Variants in SH3BP1 observed in about 807,000 individuals in gnomAD.
SH3BP1 encodes SH3 domain binding protein 1, also known as SH3 domain-binding protein 1.
A neutral mutation model predicts 69.8 loss-of-function variants in SH3BP1; 46 were observed. That is an observed-to-expected ratio of 0.66 (90% CI 0.52 to 0.84). The LOEUF is 0.84. Ranked by LOEUF, SH3BP1 falls within the 40% of genes least tolerant of loss-of-function variation. SH3BP1 has a pLI of 0.00. For synonymous variants in SH3BP1, 403 were observed against 378.0 expected (o/e 1.07, Z -0.77); for missense variants, 868 against 930.9 (o/e 0.93, Z 0.88).
chr22:37,655,928 C>G lies in SH3BP1; in HGVS notation c.*244C>G. ...CCGGACTCTCCACTCTCCGGCAGGT[C>G]CTAGGGGAGCCACCGGAAGGAAGGA... is the stretch of plus-strand genomic sequence containing the variant. On this transcript the variant is annotated 3_prime_UTR_variant, in exon 18 of 18. Coordinates refer to ENST00000649765, the MANE Select transcript of SH3BP1 (RefSeq NM_018957.6). The G allele has an allele frequency of 6.4e-7, 1 of 1,569,082 alleles. No individual in the cohort carries two copies. The highest frequency in any genetic ancestry group is 8.6e-7 in the Non-Finnish European group (1 of 1,162,802).
At chr22:37,652,953 T>C (rs1932912668) in intron 16 of SH3BP1, among the ~76,000 whole-genome samples, 1 of 149,348 alleles carries the variant, frequency 6.7e-6, no homozygotes, top group African/African-American at 2.5e-5. Flanking sequence ...CTGGCCAACA[T>C]GGTGAAACCC....
intron 3 of SH3BP1, chr22:37,642,222 C>T: frequency 2.5e-6 from 1 of 394,878 alleles, no homozygotes; most frequent in Non-Finnish European, 4.8e-6. Flanking sequence ...CATTCTCCCT[C>T]CACCTGTGTG....
chr22:37,644,878 G>T lies in SH3BP1; in HGVS notation c.696G>T (p.Glu232Asp). Residue 232 changes from glutamate to aspartate, a missense_variant, in exon 9 of 18, where the codon GAG becomes GAT. Glu to Asp is a conservative substitution (Grantham distance 45). Around this residue, in one of 3 missense-constraint regions of SH3BP1, gnomAD observed 387 missense variants for 447.9 expected, o/e 0.86. Coordinates refer to ENST00000649765, the MANE Select transcript of SH3BP1 (RefSeq NM_018957.6). ...TCCCTTCATCCCCACAGCTCCTGGA[G>T]ATTCAGGCCGATTACCATCGCAGGT... ...SYANYFIRLL[E>D]IQADYHRRSL... 2 of 1,614,020 alleles carry T rather than the reference G, an allele frequency of 1.2e-6. No individual in the cohort carries two copies. Among genetic ancestry groups the T allele is most frequent in the South Asian group, 2.2e-5 (2 of 91,084 alleles).
At chr22:37,655,006 T>C (rs893988464) in intron 17 of SH3BP1, among the ~76,000 whole-genome samples, 1 of 148,484 alleles carries the variant, frequency 6.7e-6, no homozygotes, top group Non-Finnish European at 1.5e-5. Context: ...GAACAAAAAG[T>C]CCTGCGAAGA....
chr22:37,645,648 C>A, intron 10 of SH3BP1, 138 bp downstream of exon 10: 1 of 963,816 alleles, frequency 1.0e-6, no homozygotes, highest in South Asian at 1.7e-5. Context: ...TGACTGCCTC[C>A]TGCGGCATCC....
chr22:37,650,032 G>A, intron 14 of SH3BP1, 120 bp from the exon 15 acceptor site: 1 of 1,112,594 alleles, frequency 9.0e-7, no homozygotes, highest in Non-Finnish European at 1.4e-6. Flanking sequence ...TGGTTTGTGG[G>A]CTTTTTGAGA....
At chr22:37,648,128 G>A (rs1276678802) in intron 13 of SH3BP1, among the ~76,000 whole-genome samples, 191 bp from the exon 14 acceptor site, 1 of 152,224 alleles carries the variant, frequency 6.6e-6, no homozygotes. Flanking sequence ...ACCCTGTAGG[G>A]TGGCTGCTGA....
At position 37,645,141 on chromosome 22, in the gene SH3BP1, G is replaced by A. The variant is rs536012717; in HGVS notation, c.778+181G>A. ...TGTGGAGGGTGGAGTGAAGCGGGCA[G>A]GACTAGAGCCAGGCCTGTGAGGCAG... On this transcript the variant is annotated intron_variant, in intron 9 of 17. Coordinates refer to ENST00000649765, the MANE Select transcript of SH3BP1 (RefSeq NM_018957.6). The A allele has an allele frequency of 6.1e-6, 5 of 824,856 alleles. No homozygotes were observed. The Admixed American group carries it at 7.4e-5, about 12-fold the overall frequency. 51.1% of individuals were successfully genotyped at this position (824,856 alleles called of 1,614,324 possible). A position where few individuals can be genotyped will look rare whatever the true frequency, so the allele number is the denominator to read the frequency against.
Position 37,643,171 on chromosome 22 carries a change from G to T in SH3BP1, c.470G>T (p.Ser157Ile). 6.3e-7 allele frequency: 1 copy of T among 1,596,468 alleles called. No individual in the cohort carries two copies. The highest frequency in any genetic ancestry group is 2.3e-5 in the East Asian group (1 of 43,608). ...KLVSDWNTLK[S>I]RLSQATKNSG... is the part of the protein sequence containing the mutation. The stretch of plus-strand genomic sequence containing the variant: ...GTGTCCGACTGGAACACACTCAAGA[G>T]CAGGTGGGAGCCCCAGCCGCTCAGG... The change falls in exon 6 of 18, where the codon AGC (serine) becomes ATC (isoleucine). Residue 157 changes from serine to isoleucine, a missense_variant. This residue lies in a region of SH3BP1 where 387 missense variants were observed against 447.9 expected (regional missense o/e 0.86). Coordinates refer to ENST00000649765, the MANE Select transcript of SH3BP1 (RefSeq NM_018957.6).
intron 10 of SH3BP1, 142 bp downstream of exon 10, chr22:37,645,652 G>A (rs1267545427): frequency 3.6e-5 from 34 of 934,474 alleles, no homozygotes; most frequent in Middle Eastern, 3.4e-4. Flanking sequence ...TGCCTCCTGC[G>A]GCATCCACAC....
Position 37,655,322 on chromosome 22 carries a change from G to T in SH3BP1, c.1744G>T (p.Gly582Cys). 1 of 1,277,760 alleles carries T rather than the reference G, an allele frequency of 7.8e-7. No individual in the cohort carries two copies. The highest frequency in any genetic ancestry group is 2.0e-5 in the South Asian group (1 of 48,900). The allele number at this position is 1,277,760 out of a possible 1,614,324, so 79.2% of individuals were successfully genotyped here. A position where few individuals can be genotyped will look rare whatever the true frequency, so the allele number is the denominator to read the frequency against. The change falls in exon 18 of 18, where the codon GGC becomes TGC. Residue 582 changes from glycine to cysteine, a missense_variant. Coordinates refer to ENST00000649765, the MANE Select transcript of SH3BP1 (RefSeq NM_018957.6). Reference protein sequence around the residue: ...RPTMPPPQVSGSRSSPPAPPL... With the variant: ...RPTMPPPQVSCSRSSPPAPPL... ...CACCATGCCGCCCCCCCAGGTCTCCGGCTCCCGCTCCTCCCCTCCAGCCCC... is the reference window on the plus strand; with the variant it reads ...CACCATGCCGCCCCCCCAGGTCTCCTGCTCCCGCTCCTCCCCTCCAGCCCC...
In SH3BP1 at chr22:37,655,554, A is replaced by G; in HGVS notation, c.1976A>G (p.Asn659Ser). The G allele has an allele frequency of 6.3e-7, 1 of 1,587,834 alleles. No homozygotes were observed. Residue 659 changes from asparagine to serine, a missense_variant, in exon 18 of 18, where the codon AAC (asparagine) becomes AGC (serine). Physicochemically the swap from Asn to Ser is conservative, Grantham distance 46. Coordinates refer to ENST00000649765, the MANE Select transcript of SH3BP1 (RefSeq NM_018957.6). ...PASPSPVSLS[N>S]PAQVDLGAAT... Reference sequence around the variant, plus strand: ...TCCCCCAGCCCAGTCTCTTTGAGTAACCCTGCACAGGTGGACCTGGGGGCT... The same window carrying G: ...TCCCCCAGCCCAGTCTCTTTGAGTAGCCCTGCACAGGTGGACCTGGGGGCT...
Position 37,653,671 on chromosome 22 carries a change from G to C in SH3BP1, c.1599-108G>C, listed in dbSNP as rs936731902. The C allele has an allele frequency of 1.2e-5, 9 of 757,246 alleles. 1 individual carries two copies. Among genetic ancestry groups the C allele is most frequent in the Non-Finnish European group, 2.1e-5 (9 of 421,438 alleles). 46.9% of individuals were successfully genotyped at this position (757,246 alleles called of 1,614,324 possible). ...GCATGGGGACAGAGTGATAGAGAGC[G>C]AGTGCTGGGAGGATCCGGACTCCAC... is the stretch of plus-strand genomic sequence containing the variant. On this transcript the variant is annotated intron_variant, in intron 16 of 17. Coordinates refer to ENST00000649765, the MANE Select transcript of SH3BP1 (RefSeq NM_018957.6).
intron 17 of SH3BP1, among the ~76,000 whole-genome samples, chr22:37,654,693 T>A (rs1029482576): frequency 2.2e-4 from 34 of 152,130 alleles, no homozygotes; most frequent in African/African-American, 7.7e-4. Context: ...GGCCCAGAGC[T>A]GACCAGGTGA....
chr22:37,652,825 C>CAAAAAA, intron 16 of SH3BP1, among the ~76,000 whole-genome samples: 1 of 97,822 alleles, frequency 1.0e-5, no homozygotes, highest in Non-Finnish European at 2.2e-5. Flanking sequence ...AACTCCATCT[C>CAAAAAA]AAAAAAAAAA....
intron 1 of SH3BP1, chr22:37,640,706 T>G: frequency 4.5e-6 from 1 of 219,800 alleles, no homozygotes. Context: ...TAGTCCAGAG[T>G]GCTGTGTGAC....
chr22:37,649,838 A>C (rs1932845194), intron 14 of SH3BP1: 4 of 474,840 alleles, frequency 8.4e-6, no homozygotes, highest in Non-Finnish European at 1.6e-5. Flanking sequence ...CTATGTGAGG[A>C]GTCATCATTA....
At position 37,647,090 on chromosome 22, in the gene SH3BP1, T is replaced by C. The variant is rs552442120; in HGVS notation, c.1036+161T>C. ...TCCATCATGAGCCCCCCGAAAATGT[T>C]TGGCATTTTTCTGGGGACAAGATGG... On this transcript the variant is annotated intron_variant, in intron 11 of 17. Coordinates refer to ENST00000649765, the MANE Select transcript of SH3BP1 (RefSeq NM_018957.6). 3.3e-5 allele frequency among the ~76,000 whole-genome samples: 5 copies of C among 152,300 alleles called. No homozygotes were observed. In the South Asian group the frequency reaches 6.2e-4, roughly 19 times the overall value.
chr22:37,648,699 T>TA, intron 14 of SH3BP1: 7 of 324,364 alleles, frequency 2.2e-5, no homozygotes, highest in East Asian at 1.2e-4. Context: ...GAGATCGGGT[T>TA]CTTTTTTTTT....
Sources: gnomAD v4.1 joint callset for allele counts (sites outside exome capture counted in the v4.1 genomes callset) on GRCh38, gnomAD v4.1.1 for gene constraint, gnomAD v4.1.1 regional missense constraint, MANE v1.5 for transcripts, NCBI Gene and HGNC (gene_info 2026-07-23, HGNC 2026-07-21) for gene names.